The following MLLT10 variants were observed in gnomAD, a reference collection of about 807,000 sequenced individuals.
The protein encoded by MLLT10 is protein AF-10.
In MLLT10, 30 loss-of-function variants were observed where a neutral mutation model predicts 129.1. The ratio of observed to expected loss-of-function variants is 0.23; its 90% confidence interval spans 0.17 to 0.32. MLLT10 has a LOEUF of 0.32. MLLT10 is among the 10% of genes least tolerant of loss of function. The pLI is 1.00. For missense variants in MLLT10, 1,119 were observed against 1,268.3 expected (o/e 0.88, Z 1.79); for synonymous variants, 490 against 446.4 (o/e 1.10, Z -1.23).
intron 13 of MLLT10, among the ~76,000 whole-genome samples, chr10:21,702,617 C>CAT (rs2055038476): frequency 6.6e-6 from 1 of 151,938 alleles, no homozygotes; most frequent in Non-Finnish European, 1.5e-5. Context: ...CAGTTTGGTG[C>CAT]ATATATATTT....
chr10:21,676,183 A>G (rs1269899279), intron 11 of MLLT10, among the ~76,000 whole-genome samples: 3 of 151,924 alleles, frequency 2.0e-5, no homozygotes, highest in African/African-American at 7.3e-5. Context: ...TAATCCCAGC[A>G]CTTTGGGAGG....
At chr10:21,630,714 G>A (rs911183228) in intron 8 of MLLT10, among the ~76,000 whole-genome samples, 1 of 152,204 alleles carries the variant, frequency 6.6e-6, no homozygotes, top group African/African-American at 2.4e-5. Context: ...TGTGTCCAAT[G>A]CAGGAGTCTT....
chr10:21,609,855 C>T (rs1220221481), intron 5 of MLLT10, among the ~76,000 whole-genome samples: 1 of 151,870 alleles, frequency 6.6e-6, no homozygotes, highest in Non-Finnish European at 1.5e-5. Context: ...TGTATGTTTG[C>T]AGAGTACAGT....
At chr10:21,701,896 T>TTAATTTTTATGTATTTGTA (rs2054956573) in intron 13 of MLLT10, among the ~76,000 whole-genome samples, 1 of 145,764 alleles carries the variant, frequency 6.9e-6, no homozygotes, top group Admixed American at 6.8e-5. Context: ...GTTATGTTAT[T>TTAATTTTTATGTATTTGTA]TCTCTTCTCT....
At position 21,742,440 on chromosome 10, in the gene MLLT10, C is replaced by T. The variant is rs1833797480; in HGVS notation, c.*457C>T. ...CAGTATGCTTGCTCTAAGTCAAATT[C>T]CAAGGAACTAATTTCTTCTCCTGGA... On this transcript the variant is annotated 3_prime_UTR_variant, in exon 23 of 23. Transcript: ENST00000307729. 4.6e-6 allele frequency: 1 copy of T among 218,488 alleles called. No individual in the cohort carries two copies. Among genetic ancestry groups the T allele is most frequent in the African/African-American group, 2.2e-5 (1 of 44,568 alleles). The allele number at this position is 218,488 out of a possible 1,614,324, so 13.5% of individuals were successfully genotyped here. A position where few individuals can be genotyped will look rare whatever the true frequency, so the allele number is the denominator to read the frequency against.
chr10:21,631,605 C>T (rs531336045), intron 8 of MLLT10, among the ~76,000 whole-genome samples: 1 of 152,096 alleles, frequency 6.6e-6, no homozygotes, highest in South Asian at 2.1e-4. Flanking sequence ...AGGAAACTTA[C>T]AATCATGTCA....
intron 11 of MLLT10, among the ~76,000 whole-genome samples, chr10:21,680,861 A>G (rs1217273614): frequency 6.6e-6 from 1 of 151,690 alleles, no homozygotes; most frequent in Non-Finnish European, 1.5e-5. Flanking sequence ...AGTCCCAGCT[A>G]TTTGGGAGGC....
intron 3 of MLLT10, among the ~76,000 whole-genome samples, chr10:21,575,130 TG>T (rs2040601327): frequency 6.6e-6 from 1 of 152,176 alleles, no homozygotes; most frequent in African/African-American, 2.4e-5. Flanking sequence ...CTACTTACTT[TG>T]GGTTTACTTT....
chr10:21,611,871 C>T (rs182012636), intron 5 of MLLT10, among the ~76,000 whole-genome samples: 1 of 152,182 alleles, frequency 6.6e-6, no homozygotes, highest in African/African-American at 2.4e-5. Context: ...AATGAATGAC[C>T]TAAACGTTGC....
chr10:21,661,149 G>A (rs572824628), intron 9 of MLLT10, among the ~76,000 whole-genome samples: 12 of 152,290 alleles, frequency 7.9e-5, no homozygotes, highest in Admixed American at 7.2e-4. Flanking sequence ...TGTGGTCTGA[G>A]AGAGCAAGGC....
intron 8 of MLLT10, among the ~76,000 whole-genome samples, chr10:21,631,187 G>A (rs936348570): frequency 2.4e-4 from 37 of 151,924 alleles, no homozygotes; most frequent in Non-Finnish European, 4.3e-4. Flanking sequence ...GGTGGCGGGC[G>A]CCTGTAGTCC....
chr10:21,712,111 C>T (rs2056149492), intron 13 of MLLT10, among the ~76,000 whole-genome samples: 1 of 152,156 alleles, frequency 6.6e-6, no homozygotes, highest in Non-Finnish European at 1.5e-5. Context: ...TTAATTATAG[C>T]TGTAAGGCTT....
chr10:21,669,376 T>C (rs1002244727), intron 9 of MLLT10, among the ~76,000 whole-genome samples: 10 of 152,294 alleles, frequency 6.6e-5, no homozygotes, highest in Non-Finnish European at 1.2e-4. Flanking sequence ...AACTTTATTT[T>C]ATTGTCATGT....
intron 3 of MLLT10, among the ~76,000 whole-genome samples, chr10:21,581,709 T>A (rs1414329502): frequency 6.6e-6 from 1 of 152,254 alleles, no homozygotes; most frequent in Non-Finnish European, 1.5e-5. Flanking sequence ...GTACACATTC[T>A]CTTTCTCTTG....
chr10:21,546,796 T>C (rs1225554132), intron 3 of MLLT10, among the ~76,000 whole-genome samples: 1 of 151,022 alleles, frequency 6.6e-6, no homozygotes, highest in Non-Finnish European at 1.5e-5. Context: ...GGTGCAATCT[T>C]GGCTCACCAC....
chr10:21,576,287 G>A (rs1442740204), intron 3 of MLLT10, among the ~76,000 whole-genome samples: 1 of 147,546 alleles, frequency 6.8e-6, no homozygotes, highest in Non-Finnish European at 1.5e-5. Context: ...CTGTCGCCCA[G>A]GCTGGAGTGC....
At chr10:21,718,210 A>G (rs1479584001) in intron 14 of MLLT10, among the ~76,000 whole-genome samples, 3 of 151,820 alleles carry the variant, frequency 2.0e-5, no homozygotes, top group African/African-American at 2.4e-5. Context: ...TAGTTTTTAG[A>G]GTAATGGCTC....
intron 9 of MLLT10, among the ~76,000 whole-genome samples, chr10:21,663,827 A>C (rs2131355001): frequency 6.6e-6 from 1 of 152,132 alleles, no homozygotes; most frequent in East Asian, 1.9e-4. Context: ...CCACCTCCCA[A>C]AGTGCTGGAA....
Position 21,742,915 on chromosome 10 carries a change from T to C in MLLT10, c.*932T>C, listed in dbSNP as rs532847124. 7.0e-5 allele frequency: 16 copies of C among 228,732 alleles called. No homozygotes were observed. Among genetic ancestry groups the C allele is most frequent in the African/African-American group, 3.3e-4 (15 of 45,230 alleles). 14.2% of individuals were successfully genotyped at this position (228,732 alleles called of 1,614,324 possible). Reference sequence around the variant, plus strand: ...TCAGAACTTTCTGTGCCACTGTAGATAGCTCAGGCAAAACTATTACCTGGG... The same window carrying C: ...TCAGAACTTTCTGTGCCACTGTAGACAGCTCAGGCAAAACTATTACCTGGG... On this transcript the variant is annotated 3_prime_UTR_variant, in exon 23 of 23. Coordinates refer to ENST00000307729, the MANE Select transcript of MLLT10 (RefSeq NM_001195626.3).
Sources: allele counts gnomAD v4.1 joint callset (sites outside exome capture counted in the v4.1 genomes callset), GRCh38; gene constraint gnomAD v4.1.1; transcripts MANE v1.5; gene names NCBI Gene and HGNC (gene_info 2026-07-23, HGNC 2026-07-21).